CSMD1: variants seen among roughly 807,000 people sequenced by gnomAD.
CSMD1 encodes the protein CUB and sushi domain-containing protein 1.
In CSMD1, 213 loss-of-function variants were observed where a neutral mutation model predicts 417.5. That is an observed-to-expected ratio of 0.51 (90% confidence interval 0.46 to 0.57). CSMD1 has a LOEUF of 0.57. CSMD1 is among the 20% of genes least tolerant of loss of function. CSMD1 has a pLI of 0.00. For synonymous variants in CSMD1, 2,862 were observed against 1,736.8 expected (o/e 1.65, Z -16.11); for missense variants, 6,923 against 4,529.7 (o/e 1.53, Z -15.17).
intron 5 of CSMD1, among the ~76,000 whole-genome samples, chr8:3,902,142 A>G (rs983018576): frequency 6.6e-6 from 1 of 152,308 alleles, no homozygotes; most frequent in Middle Eastern, 3.4e-3. Flanking sequence ...TAACACAACA[A>G]TCTTCAAGCA....
chr8:4,445,678 T>C lies in CSMD1; in HGVS notation c.303-25613A>G, dbSNP rs1798742374. On this transcript the variant is annotated intron_variant, in intron 2 of 69. Coordinates refer to ENST00000635120, the MANE Select transcript of CSMD1 (RefSeq NM_033225.6). ...ATTGAAGCCACTAGAGAACATTACA[T>C]TGTCACTTTCCCACAACTTGGAAGG... Among the ~76,000 whole-genome samples, 4 of 152,282 alleles carry C rather than the reference T, an allele frequency of 2.6e-5. No homozygotes were observed. In the South Asian group the frequency reaches 8.3e-4, roughly 32 times the overall value.
chr8:4,622,874 C>G (rs1801863273), intron 2 of CSMD1, among the ~76,000 whole-genome samples: 1 of 152,098 alleles, frequency 6.6e-6, no homozygotes, highest in African/African-American at 2.4e-5. Context: ...CTCATGGAAT[C>G]TTTAAAACAA....
intron 5 of CSMD1, among the ~76,000 whole-genome samples, chr8:3,978,684 C>T (rs781571345): frequency 1.3e-5 from 2 of 152,084 alleles, no homozygotes; most frequent in Non-Finnish European, 2.9e-5. Context: ...CTGCCCAACC[C>T]GGCTCTACTT....
In CSMD1 at chr8:3,943,659, T is replaced by C. The variant is rs189316186; in HGVS notation, c.818+54244A>G. On this transcript the variant is annotated intron_variant, in intron 5 of 69. Transcript: ENST00000635120. ...TTACTATCACAATTAATAGGACAAG[T>C]CAACAGGGGTCCCCTGCTATAATGA... Among the ~76,000 whole-genome samples the C allele has an allele frequency of 7.9e-4, 121 of 152,206 alleles. 1 individual carries two copies. The highest frequency in any genetic ancestry group is 1.4e-3 in the Non-Finnish European group (96 of 67,996).
Position 3,796,007 on chromosome 8 carries a change from TATAG to T in CSMD1, c.819-41969_819-41966del, listed in dbSNP as rs1232010450. Reference sequence around the variant, plus strand: ...GATATAGATATATATCTATCATGTATATAGATATATATCATGTATAGATATAGAT... The same window carrying T: ...GATATAGATATATATCTATCATGTATATATATATCATGTATAGATATAGAT... On this transcript the variant is annotated intron_variant, in intron 5 of 69. Coordinates refer to ENST00000635120, the MANE Select transcript of CSMD1 (RefSeq NM_033225.6). Among the ~76,000 whole-genome samples the T allele has an allele frequency of 2.6e-4, 16 of 61,218 alleles. 2 individuals carry two copies. The highest frequency in any genetic ancestry group is 7.7e-4 in the African/African-American group (15 of 19,502). 40.2% of individuals were successfully genotyped at this position (61,218 alleles called of 152,430 possible).
At chr8:3,694,594 C>G (rs114835368) in intron 7 of CSMD1, among the ~76,000 whole-genome samples, 2,067 of 151,980 alleles carry the variant, frequency 0.014, 46 homozygotes, top group African/African-American at 0.047. Flanking sequence ...CCCTGCAAAA[C>G]TCAGGAGAAA....
chr8:4,500,162 T>C (rs1351858828), intron 2 of CSMD1, among the ~76,000 whole-genome samples: 1 of 152,118 alleles, frequency 6.6e-6, no homozygotes. Context: ...GTGAAAAGTA[T>C]AAAGAGGCTG....
At chr8:4,185,224 C>G (rs7018112) in intron 3 of CSMD1, among the ~76,000 whole-genome samples, 2 of 150,962 alleles carry the variant, frequency 1.3e-5, no homozygotes, top group Admixed American at 1.3e-4. Context: ...GGCTGGGAAC[C>G]TGCTTTCTTG....
intron 1 of CSMD1, among the ~76,000 whole-genome samples, chr8:4,708,342 G>A (rs531028005): frequency 2.6e-5 from 4 of 152,214 alleles, no homozygotes; most frequent in Admixed American, 1.3e-4. Context: ...TGTAAGCTCC[G>A]TGAACATTTA....
At chr8:3,618,389 T>C (rs1173086867) in intron 7 of CSMD1, among the ~76,000 whole-genome samples, 1 of 152,224 alleles carries the variant, frequency 6.6e-6, no homozygotes, top group Admixed American at 6.5e-5. Context: ...ATATATTATG[T>C]GGTTTCATTC....
intron 48 of CSMD1, among the ~76,000 whole-genome samples, chr8:3,088,621 G>A (rs1454149884): frequency 2.0e-5 from 3 of 152,042 alleles, no homozygotes; most frequent in East Asian, 3.9e-4. Flanking sequence ...AGCCTCTGAA[G>A]TACCATTTCC....
intron 1 of CSMD1, among the ~76,000 whole-genome samples, chr8:4,830,711 C>T (rs767963747): frequency 1.4e-4 from 22 of 152,160 alleles, no homozygotes; most frequent in Non-Finnish European, 2.9e-4. Flanking sequence ...TGTATTGCAA[C>T]CCTGTGTCAT....
chr8:4,969,180 G>A (rs901693352), intron 1 of CSMD1, among the ~76,000 whole-genome samples: 5 of 152,060 alleles, frequency 3.3e-5, no homozygotes, highest in South Asian at 2.1e-4. Flanking sequence ...GCGTGTGTGC[G>A]TGTGTGTTGG....
At chr8:3,100,877 T>C (rs1815686080) in intron 46 of CSMD1, among the ~76,000 whole-genome samples, 1 of 152,116 alleles carries the variant, frequency 6.6e-6, no homozygotes, top group Admixed American at 6.6e-5. Flanking sequence ...GTGAGCCCTC[T>C]GTGAACTAGG....
intron 3 of CSMD1, among the ~76,000 whole-genome samples, chr8:4,133,488 G>C (rs773546326): frequency 5.3e-5 from 8 of 152,114 alleles, no homozygotes; most frequent in East Asian, 1.9e-4. Flanking sequence ...TAGTATAGAA[G>C]AAAAGCCTGC....
intron 21 of CSMD1, among the ~76,000 whole-genome samples, chr8:3,356,626 G>T (rs1188148897): frequency 1.3e-5 from 2 of 152,224 alleles, no homozygotes; most frequent in African/African-American, 2.4e-5. Context: ...ATTGAGCCGA[G>T]ATCGTGCCAC....
intron 5 of CSMD1, among the ~76,000 whole-genome samples, chr8:3,796,502 G>GAT (rs1254337995): frequency 1.7e-4 from 24 of 139,632 alleles, no homozygotes; most frequent in Non-Finnish European, 2.3e-4. Flanking sequence ...TATAGATATA[G>GAT]ATATATATAT....
At chr8:4,224,766 G>A (rs1801245073) in intron 3 of CSMD1, among the ~76,000 whole-genome samples, 1 of 152,098 alleles carries the variant, frequency 6.6e-6, no homozygotes. Flanking sequence ...TTAACCTGTA[G>A]TACTCAAAAC....
chr8:3,217,354 A>G (rs35015779), intron 29 of CSMD1, among the ~76,000 whole-genome samples: 20,149 of 152,266 alleles, frequency 0.13, 1,699 homozygotes, highest in Admixed American at 0.21. Context: ...AACAAAAATT[A>G]AGGAAGTTCT....
Sources: gnomAD v4.1 joint callset for allele counts (sites outside exome capture counted in the v4.1 genomes callset) on GRCh38, gnomAD v4.1.1 for gene constraint, MANE v1.5 for transcripts, NCBI Gene and HGNC (gene_info 2026-07-23, HGNC 2026-07-21) for gene names.